MYRIP: variants seen among roughly 807,000 people sequenced by gnomAD.
MYRIP encodes rab effector MyRIP.
MYRIP carries 49 observed loss-of-function variants against 98.0 expected under a neutral mutation model. The observed-to-expected ratio is 0.50, with a 90% CI of 0.40 to 0.63. MYRIP has a LOEUF of 0.63. MYRIP is among the 30% of genes least tolerant of loss of function. MYRIP has a pLI of 0.00. For missense variants in MYRIP, 1,004 were observed against 1,058.2 expected (o/e 0.95, Z 0.71); for synonymous variants, 404 against 409.5 (o/e 0.99, Z 0.16).
chr3:40,190,337 G>A lies in MYRIP; in HGVS notation c.1539G>A (p.Pro513=), dbSNP rs139075612. ...GGGAGACCTCGGACAGCAGCGAGCCGGAGGAGGCCCCCCACACCACAGACC... is the reference window on the plus strand; with the variant it reads ...GGGAGACCTCGGACAGCAGCGAGCCAGAGGAGGCCCCCCACACCACAGACC... ...ASRETSDSSE[P]EEAPHTTDRR... The change falls in exon 10 of 17, where the codon CCG becomes CCA. Residue 513 remains proline, a synonymous_variant. Coordinates refer to ENST00000302541, the MANE Select transcript of MYRIP (RefSeq NM_015460.4). 438 of 1,613,952 alleles carry A rather than the reference G, an allele frequency of 2.7e-4. No homozygotes were observed. The highest frequency in any genetic ancestry group is 3.5e-4 in the Non-Finnish European group (415 of 1,179,938).
At chr3:39,814,615 C>T (rs1448024610) in intron 1 of MYRIP, among the ~76,000 whole-genome samples, 1 of 152,102 alleles carries the variant, frequency 6.6e-6, no homozygotes, top group Non-Finnish European at 1.5e-5. Context: ...CCGTTATATC[C>T]TTGGATCTGT....
chr3:40,235,170 T>A (rs903529774), intron 12 of MYRIP, among the ~76,000 whole-genome samples: 2 of 152,156 alleles, frequency 1.3e-5, no homozygotes, highest in Non-Finnish European at 2.9e-5. Flanking sequence ...CTCTACTGCA[T>A]TACCTTATGA....
At chr3:40,054,422 TTA>T (rs1187723444) in intron 3 of MYRIP, among the ~76,000 whole-genome samples, 1 of 152,174 alleles carries the variant, frequency 6.6e-6, no homozygotes, top group African/African-American at 2.4e-5. Flanking sequence ...ATGGTTAATT[TTA>T]TGTGTCAACT....
chr3:39,879,589 C>T (rs752275014), intron 1 of MYRIP, among the ~76,000 whole-genome samples: 6 of 152,126 alleles, frequency 3.9e-5, no homozygotes, highest in Non-Finnish European at 5.9e-5. Flanking sequence ...TGTCGTTAGA[C>T]TTATGGTGAA....
chr3:39,828,469 A>G (rs1941339683), intron 1 of MYRIP, among the ~76,000 whole-genome samples: 2 of 151,868 alleles, frequency 1.3e-5, no homozygotes, highest in South Asian at 4.1e-4. Context: ...GGCAATTTAT[A>G]TATATATATA....
chr3:40,004,435 T>C (rs932834771), intron 2 of MYRIP, among the ~76,000 whole-genome samples: 6 of 152,226 alleles, frequency 3.9e-5, no homozygotes, highest in Non-Finnish European at 7.3e-5. Context: ...AGGTAGTACA[T>C]ATCCTGCTCC....
Position 40,119,389 on chromosome 3 carries a change from G to C in MYRIP, c.333-31659G>C, listed in dbSNP as rs573559723. Among the ~76,000 whole-genome samples the C allele has an allele frequency of 3.9e-5, 6 of 152,322 alleles. No individual in the cohort carries two copies. The South Asian group carries it at 1.2e-3, about 32-fold the overall frequency. ...TGTGTTCTTATGAAAAGAGCAAATA[G>C]AGAAGTATGTAATGGCATGTTGACA... On this transcript the variant is annotated intron_variant, in intron 3 of 16. Coordinates refer to ENST00000302541, the MANE Select transcript of MYRIP (RefSeq NM_015460.4).
chr3:40,043,545 A>G (rs757449931), intron 2 of MYRIP, among the ~76,000 whole-genome samples: 14 of 152,146 alleles, frequency 9.2e-5, no homozygotes, highest in Non-Finnish European at 1.6e-4. Flanking sequence ...CCCATCACCC[A>G]TAGAATCCTT....
At chr3:39,989,013 G>C (rs535697597) in intron 2 of MYRIP, among the ~76,000 whole-genome samples, 1 of 151,966 alleles carries the variant, frequency 6.6e-6, no homozygotes, top group Admixed American at 6.6e-5. Flanking sequence ...GCCTATTTCT[G>C]TCAATTTGTC....
intron 4 of MYRIP, among the ~76,000 whole-genome samples, chr3:40,155,198 G>C (rs1281981578): frequency 2.1e-5 from 3 of 140,624 alleles, no homozygotes; most frequent in Non-Finnish European, 3.0e-5. Flanking sequence ...GTGTCCATGT[G>C]TTCTCATTGT....
chr3:40,228,548 C>T lies in MYRIP; in HGVS notation c.1906-5311C>T, dbSNP rs779165105. Among the ~76,000 whole-genome samples, 182 of 152,180 alleles carry T rather than the reference C, an allele frequency of 1.2e-3. 2 individuals carry two copies. The highest frequency in any genetic ancestry group is 3.3e-3 in the Admixed American group (51 of 15,282). ...CCCTGTTTCTTGGCTGACCATGAACCTGGATTATACTGTACGCTTCCCTAT... is the reference window on the plus strand; with the variant it reads ...CCCTGTTTCTTGGCTGACCATGAACTTGGATTATACTGTACGCTTCCCTAT... On this transcript the variant is annotated intron_variant, in intron 11 of 16. Transcript: ENST00000302541.
At chr3:39,900,484 T>C (rs529923253) in intron 1 of MYRIP, among the ~76,000 whole-genome samples, 1 of 152,268 alleles carries the variant, frequency 6.6e-6, no homozygotes, top group South Asian at 2.1e-4. Context: ...ATATTGCCTT[T>C]TGGCATTTTG....
At chr3:39,999,897 A>T (rs1488408126) in intron 2 of MYRIP, among the ~76,000 whole-genome samples, 1 of 151,966 alleles carries the variant, frequency 6.6e-6, no homozygotes, top group Non-Finnish European at 1.5e-5. Context: ...GAAGCTGGAA[A>T]CCATCATTCT....
At chr3:39,896,685 T>C (rs1406633119) in intron 1 of MYRIP, among the ~76,000 whole-genome samples, 1 of 152,204 alleles carries the variant, frequency 6.6e-6, no homozygotes, top group Non-Finnish European at 1.5e-5. Flanking sequence ...TTTCTCTTTA[T>C]ATCAGGTGCA....
chr3:40,167,739 T>C (rs1282575775), intron 7 of MYRIP, among the ~76,000 whole-genome samples: 1 of 152,172 alleles, frequency 6.6e-6, no homozygotes, highest in East Asian at 1.9e-4. Flanking sequence ...TTTGGGAGTT[T>C]CCATGACCGT....
At chr3:40,155,123 T>C (rs1256291962) in intron 4 of MYRIP, among the ~76,000 whole-genome samples, 7 of 151,394 alleles carry the variant, frequency 4.6e-5, no homozygotes, top group Middle Eastern at 3.4e-3. Flanking sequence ...GTATATCTCC[T>C]AACGCTATCC....
intron 2 of MYRIP, among the ~76,000 whole-genome samples, chr3:39,934,510 C>G (rs1944613647): frequency 6.6e-6 from 1 of 152,142 alleles, no homozygotes; most frequent in East Asian, 1.9e-4. Context: ...CATGGCAGAA[C>G]AGGCAAGAGC....
At position 40,206,350 on chromosome 3, in the gene MYRIP, T is replaced by G. The variant is rs578046999; in HGVS notation, c.1666-3504T>G. Among the ~76,000 whole-genome samples, 4 of 152,316 alleles carry G rather than the reference T, an allele frequency of 2.6e-5. No individual in the cohort carries two copies. The South Asian group carries it at 8.3e-4, about 32-fold the overall frequency. On this transcript the variant is annotated intron_variant, in intron 10 of 16. Transcript: ENST00000302541. ...AATACTGTTATTTTTGAAGTTCTTG[T>G]GGCTTTTAATAATGGTGCTTCCAGT... is the stretch of plus-strand genomic sequence containing the variant.
chr3:39,983,210 G>A (rs1945937674), intron 2 of MYRIP, among the ~76,000 whole-genome samples: 1 of 152,194 alleles, frequency 6.6e-6, no homozygotes, highest in African/African-American at 2.4e-5. Context: ...ATCCCTGCCA[G>A]TGCCTGTGCA....
Sources: allele counts gnomAD v4.1 joint callset (sites outside exome capture counted in the v4.1 genomes callset), GRCh38; gene constraint gnomAD v4.1.1; transcripts MANE v1.5; gene names NCBI Gene and HGNC (gene_info 2026-07-23, HGNC 2026-07-21).